Variants in BMPR1A observed in about 807,000 individuals in gnomAD.
BMPR1A encodes the protein bone morphogenetic protein receptor type 1A, also known as bone morphogenetic protein receptor type-1A.
BMPR1A carries 7 observed loss-of-function variants against 66.0 expected under a neutral mutation model. The ratio of observed to expected loss-of-function variants is 0.11; its 90% confidence interval spans 0.06 to 0.20. BMPR1A has a LOEUF of 0.20. BMPR1A is among the 10% of genes least tolerant of loss of function. BMPR1A has a pLI of 1.00. For synonymous variants in BMPR1A, 200 were observed against 229.7 expected (o/e 0.87, Z 1.17); for missense variants, 408 against 669.1 (o/e 0.61, Z 4.31).
At chr10:86,836,611 G>A (rs1842351008) in intron 1 of BMPR1A, among the ~76,000 whole-genome samples, 1 of 151,974 alleles carries the variant, frequency 6.6e-6, no homozygotes, top group African/African-American at 2.4e-5. Context: ...CAGGCTGGCC[G>A]ACATGACGAG....
intron 1 of BMPR1A, among the ~76,000 whole-genome samples, chr10:86,807,616 C>G (rs1841908128): frequency 6.6e-6 from 1 of 151,982 alleles, no homozygotes; most frequent in South Asian, 2.1e-4. Context: ...TTCCTGGCCT[C>G]AAGCAATTCT....
chr10:86,910,226 A>G (rs1175067637), intron 7 of BMPR1A, among the ~76,000 whole-genome samples: 5 of 151,864 alleles, frequency 3.3e-5, no homozygotes, highest in African/African-American at 4.8e-5. Flanking sequence ...AATCCCAGCT[A>G]CTCGGGAGGC....
chr10:86,812,618 T>G (rs531480044), intron 1 of BMPR1A, among the ~76,000 whole-genome samples: 143 of 152,342 alleles, frequency 9.4e-4, no homozygotes, highest in Middle Eastern at 3.4e-3. Context: ...ATGCTTGTTC[T>G]CTCCTTTTAC....
chr10:86,885,166 C>T lies in BMPR1A; in HGVS notation c.68-4896C>T, dbSNP rs538076845. ...ACTATAGCCCACAAACTAAATCCAG[C>T]GCATTGCTGCATTTTGTGCTGCTCA... is the stretch of plus-strand genomic sequence containing the variant. On this transcript the variant is annotated intron_variant, in intron 3 of 12. Coordinates refer to ENST00000372037, the MANE Select transcript of BMPR1A (RefSeq NM_004329.3). 3.3e-5 allele frequency among the ~76,000 whole-genome samples: 5 copies of T among 152,278 alleles called. 1 individual carries two copies. The South Asian group carries it at 1.0e-3, about 32-fold the overall frequency.
At chr10:86,903,585 T>G (rs577936541) in intron 7 of BMPR1A, among the ~76,000 whole-genome samples, 14 of 151,730 alleles carry the variant, frequency 9.2e-5, no homozygotes, top group Non-Finnish European at 1.8e-4. Context: ...TTTTCAAATT[T>G]ATCTATTATT....
intron 1 of BMPR1A, among the ~76,000 whole-genome samples, chr10:86,797,231 A>ATT (rs1236270338): frequency 2.4e-5 from 2 of 83,776 alleles, no homozygotes; most frequent in Non-Finnish European, 5.2e-5. Context: ...AGCCCGGCTA[A>ATT]TTTTTTTTTT....
intron 2 of BMPR1A, among the ~76,000 whole-genome samples, chr10:86,871,491 C>T (rs781610193): frequency 5.3e-5 from 8 of 152,222 alleles, no homozygotes; most frequent in South Asian, 2.1e-4. Context: ...CCATAGGACT[C>T]CAGCATTGGA....
intron 7 of BMPR1A, among the ~76,000 whole-genome samples, chr10:86,901,268 C>T (rs969921084): frequency 6.6e-6 from 1 of 152,246 alleles, no homozygotes; most frequent in Non-Finnish European, 1.5e-5. Context: ...CCAATCAAGT[C>T]ACTCCTGAAT....
intron 1 of BMPR1A, among the ~76,000 whole-genome samples, chr10:86,761,611 C>T (rs912788433): frequency 1.5e-4 from 23 of 152,314 alleles, no homozygotes; most frequent in African/African-American, 4.6e-4. Flanking sequence ...ACGCTAAGCA[C>T]GTGGGAGTTA....
chr10:86,796,094 TA>T, intron 1 of BMPR1A, among the ~76,000 whole-genome samples: 2 of 152,310 alleles, frequency 1.3e-5, no homozygotes, highest in Middle Eastern at 6.8e-3. Flanking sequence ...AATTTTCACA[TA>T]AAAACGTCAT....
chr10:86,773,142 T>C (rs1322349272), intron 1 of BMPR1A, among the ~76,000 whole-genome samples: 7 of 151,842 alleles, frequency 4.6e-5, no homozygotes, highest in Non-Finnish European at 8.8e-5. Flanking sequence ...TTTTTTTTTT[T>C]TTCCTGAATG....
downstream of BMPR1A, chr10:86,931,280 T>C (rs112324711): frequency 0.19 from 18,518 of 95,414 alleles, 2,879 homozygotes; most frequent in Non-Finnish European, 0.22. Flanking sequence ...TATATATATA[T>C]ACACACACAC....
At chr10:86,907,407 A>G (rs554502219) in intron 7 of BMPR1A, among the ~76,000 whole-genome samples, 1 of 152,336 alleles carries the variant, frequency 6.6e-6, no homozygotes, top group Admixed American at 6.5e-5. Context: ...CACAGCTACT[A>G]TGGAGAACAG....
chr10:86,917,335 A>G lies in BMPR1A; in HGVS notation c.868+9A>G, dbSNP rs766298777. 5 of 1,613,998 alleles carry G rather than the reference A, an allele frequency of 3.1e-6. No individual in the cohort carries two copies. The Admixed American group carries it at 6.7e-5, about 22-fold the overall frequency. On this transcript the variant is annotated intron_variant, in intron 9 of 12. Transcript: ENST00000372037. ...CCATGAAAACATACTTGGTGGGTAC[A>G]CACTGATTCAGTCAATTTCATTTTT...
Position 86,884,394 on chromosome 10 carries a change from A to ATTTTTTTTTTTTT in BMPR1A, c.68-5643_68-5631dup, listed in dbSNP as rs759424209. On this transcript the variant is annotated intron_variant, in intron 3 of 12. Transcript: ENST00000372037. ...AGCCACCATGCCTGGCAAACACATG[A>ATTTTTTTTTTTTT]TTTTTTTTTTTTTTTTTTTTTTTTT... 4.5e-4 allele frequency among the ~76,000 whole-genome samples: 22 copies of ATTTTTTTTTTTTT among 49,346 alleles called. 7 individuals are homozygous for ATTTTTTTTTTTTT. The highest frequency in any genetic ancestry group is 7.6e-4 in the Non-Finnish European group (17 of 22,330). The allele number at this position is 49,346 out of a possible 152,430, so 32.4% of individuals were successfully genotyped here.
intron 2 of BMPR1A, among the ~76,000 whole-genome samples, chr10:86,861,461 A>G (rs1200291327): frequency 1.3e-5 from 2 of 152,222 alleles, no homozygotes; most frequent in African/African-American, 2.4e-5. Flanking sequence ...TTACGTACAC[A>G]TACTACCTTT....
intron 7 of BMPR1A, among the ~76,000 whole-genome samples, chr10:86,910,611 A>G (rs1843466958): frequency 6.6e-6 from 1 of 151,208 alleles, no homozygotes; most frequent in Admixed American, 6.6e-5. Flanking sequence ...TGGGAGGAGG[A>G]TTTTTTTTTG....
intron 1 of BMPR1A, among the ~76,000 whole-genome samples, chr10:86,828,498 C>CAT (rs1243152462): frequency 6.6e-6 from 1 of 152,170 alleles, no homozygotes; most frequent in Admixed American, 6.5e-5. Flanking sequence ...CAAATAGCAG[C>CAT]ATGTATTAAT....
chr10:86,847,110 C>T (rs1412249958), intron 2 of BMPR1A, among the ~76,000 whole-genome samples: 2 of 152,122 alleles, frequency 1.3e-5, no homozygotes, highest in South Asian at 2.1e-4. Context: ...CCACCTTGTC[C>T]TCCCAAAGTG....
Sources: gnomAD v4.1 joint callset for allele counts (sites outside exome capture counted in the v4.1 genomes callset) on GRCh38, gnomAD v4.1.1 for gene constraint, MANE v1.5 for transcripts, NCBI Gene and HGNC (gene_info 2026-07-23, HGNC 2026-07-21) for gene names.